The following CPB2 variants were observed in gnomAD, a reference collection of about 807,000 sequenced individuals.
CPB2 encodes carboxypeptidase B2.
In CPB2, 54 loss-of-function variants were observed where a neutral mutation model predicts 57.0. The observed-to-expected ratio is 0.95, with a 90% CI of 0.76 to 1.19. The LOEUF is 1.19. CPB2 is among the 50% of genes most tolerant of loss of function. The probability of loss-of-function intolerance (pLI) is 0.00; values close to 1 mark genes in which losing one functional copy is unlikely to be tolerated. For missense variants in CPB2, 426 were observed against 512.0 expected (o/e 0.83, Z 1.62); for synonymous variants, 189 against 178.1 (o/e 1.06, Z -0.49).
intron 10 of CPB2, among the ~76,000 whole-genome samples, chr13:46,054,197 GTTT>G (rs1357404654): frequency 3.3e-5 from 5 of 152,096 alleles, no homozygotes; most frequent in Admixed American, 3.3e-4. Flanking sequence ...CTTAATTTAT[GTTT>G]TTTGATTATC....
chr13:46,089,994 C>T (rs2045267796), intron 1 of CPB2, among the ~76,000 whole-genome samples: 1 of 152,134 alleles, frequency 6.6e-6, no homozygotes, highest in African/African-American at 2.4e-5. Flanking sequence ...TCAAGGATTA[C>T]CCTTGCTAAT....
chr13:46,089,158 TTCTTCTTAGCATCGTTTA>T (rs2045254395), intron 1 of CPB2, among the ~76,000 whole-genome samples: 1 of 151,964 alleles, frequency 6.6e-6, no homozygotes, highest in African/African-American at 2.4e-5. Flanking sequence ...TTCTTTTTTT[TTCTTCTTAGCATCGTTTA>T]TTATTATGAT....
chr13:46,095,255 T>A (rs193207741), intron 1 of CPB2, among the ~76,000 whole-genome samples: 134 of 151,902 alleles, frequency 8.8e-4, no homozygotes, highest in Non-Finnish European at 1.3e-3. Context: ...ACCAGAGCTA[T>A]CATAGTGGGA....
chr13:46,082,476 C>T lies in CPB2; in HGVS notation c.349G>A (p.Ala117Thr), dbSNP rs140871119. The change falls in exon 4 of 11, where the codon GCA becomes ACA. Residue 117 changes from alanine to threonine, a missense_variant. Physicochemically the swap from Ala to Thr is moderately conservative, Grantham distance 58. Transcript: ENST00000181383. Reference sequence around the variant, plus strand: ...GAGTGATACTGTTCATAGTACGATGCGGAGGCTCGGGGGCTGACTGTGTCG... The same window carrying T: ...GAGTGATACTGTTCATAGTACGATGTGGAGGCTCGGGGGCTGACTGTGTCG... Reference protein sequence around the residue: ...SNDTVSPRASASYYEQYHSLN... With the variant: ...SNDTVSPRASTSYYEQYHSLN... 4.6e-5 allele frequency: 74 copies of T among 1,613,076 alleles called. No homozygotes were observed. Among genetic ancestry groups the T allele is most frequent in the East Asian group, 1.1e-4 (5 of 44,854 alleles).
intron 4 of CPB2, among the ~76,000 whole-genome samples, chr13:46,080,839 G>C (rs531400481): frequency 6.6e-6 from 1 of 152,110 alleles, no homozygotes; most frequent in East Asian, 1.9e-4. Context: ...GAGCGTGGTG[G>C]TATGCGCCTC....
At chr13:46,064,032 C>T (rs967468107) in intron 8 of CPB2, among the ~76,000 whole-genome samples, 26 of 151,904 alleles carry the variant, frequency 1.7e-4, no homozygotes, top group African/African-American at 6.3e-4. Flanking sequence ...CCGAGGTGGG[C>T]GGATCACTTA....
chr13:46,078,664 T>G, intron 5 of CPB2, 136 bp downstream of exon 5: 1 of 647,230 alleles, frequency 1.5e-6, no homozygotes, highest in East Asian at 2.6e-5. Context: ...AATAGCCAGG[T>G]ATTAAAGTTG....
intron 6 of CPB2, among the ~76,000 whole-genome samples, chr13:46,071,939 CA>C (rs1435098850): frequency 6.6e-6 from 1 of 152,092 alleles, no homozygotes; most frequent in Admixed American, 6.5e-5. Context: ...AGGAGGTTAG[CA>C]GTGAGAAAAG....
intron 2 of CPB2, 109 bp from the exon 3 acceptor site, chr13:46,084,452 A>G (rs2045169251): frequency 1.7e-6 from 2 of 1,188,186 alleles, no homozygotes; most frequent in Non-Finnish European, 2.4e-6. Flanking sequence ...TGAAAAGGAC[A>G]CTCCCTGGTG....
At chr13:46,092,923 T>C (rs1281587410) in intron 1 of CPB2, among the ~76,000 whole-genome samples, 2 of 152,154 alleles carry the variant, frequency 1.3e-5, no homozygotes, top group Non-Finnish European at 2.9e-5. Flanking sequence ...GTTTGTTTGT[T>C]TGTTTTTGAG....
Position 46,078,794 on chromosome 13 carries a change from A to G in CPB2, c.486+6T>C. On this transcript the variant is annotated splice_donor_region_variant and intron_variant, in intron 5 of 10. Coordinates refer to ENST00000181383, the MANE Select transcript of CPB2 (RefSeq NM_001872.5). ...TGAAAGATCAACAACTTTCCCCACA[A>G]CATACCTTTAAAACATAGAGTGGGT... 1.3e-6 allele frequency: 2 copies of G among 1,574,270 alleles called. No homozygotes were observed. Among genetic ancestry groups the G allele is most frequent in the Non-Finnish European group, 1.7e-6 (2 of 1,144,298 alleles).
intron 7 of CPB2, among the ~76,000 whole-genome samples, chr13:46,065,033 T>C (rs773450040): frequency 1.3e-5 from 2 of 152,246 alleles, no homozygotes; most frequent in Non-Finnish European, 2.9e-5. Flanking sequence ...ACTAGGCTGC[T>C]TATTAGCCTT....
intron 1 of CPB2, chr13:46,100,114 T>A: frequency 1.3e-5 from 2 of 150,930 alleles, no homozygotes; most frequent in African/African-American, 2.4e-5. Flanking sequence ...AGGAGAAAAG[T>A]ATAAAAATTA....
At chr13:46,096,785 G>GA (rs902268341) in intron 1 of CPB2, among the ~76,000 whole-genome samples, 10 of 147,154 alleles carry the variant, frequency 6.8e-5, no homozygotes, top group East Asian at 2.0e-4. Flanking sequence ...TCTCAAAAAA[G>GA]AAAAAAAAAA....
At chr13:46,075,263 A>G (rs9567613) in intron 5 of CPB2, among the ~76,000 whole-genome samples, 52,278 of 152,150 alleles carry the variant, frequency 0.34, 9,218 homozygotes, top group African/African-American at 0.39. Flanking sequence ...ATAGTCAAAG[A>G]GAACTACCTA....
chr13:46,064,621 T>C (rs2044824560), intron 8 of CPB2, 27 bp downstream of exon 8: 7 of 1,574,066 alleles, frequency 4.4e-6, no homozygotes, highest in African/African-American at 1.3e-5. Flanking sequence ...TGAAGAGACA[T>C]TGCAAGAAAT....
intron 8 of CPB2, 127 bp downstream of exon 8, chr13:46,064,521 T>G (rs2044823420): frequency 1.8e-5 from 13 of 742,762 alleles, no homozygotes; most frequent in Non-Finnish European, 2.9e-5. Context: ...CCTAAGCATT[T>G]ATCATTTAAA....
chr13:46,094,395 G>A (rs1254400947), intron 1 of CPB2, among the ~76,000 whole-genome samples: 1 of 152,148 alleles, frequency 6.6e-6, no homozygotes, highest in Non-Finnish European at 1.5e-5. Flanking sequence ...CTCCTTTGGG[G>A]TATAGTCCCT....
At chr13:46,058,072 A>G in intron 9 of CPB2, 107 bp downstream of exon 9, 2 of 836,002 alleles carry the variant, frequency 2.4e-6, no homozygotes, top group East Asian at 2.4e-5. Flanking sequence ...TAAAACATCT[A>G]TCATTTGCCT....
Sources: allele counts gnomAD v4.1 joint callset (sites outside exome capture counted in the v4.1 genomes callset), GRCh38; gene constraint gnomAD v4.1.1; transcripts MANE v1.5; gene names NCBI Gene and HGNC (gene_info 2026-07-23, HGNC 2026-07-21).